The following KIAA0586 variants were observed in gnomAD, a reference collection of about 807,000 sequenced individuals.
KIAA0586 encodes the protein KIAA0586, also known as protein TALPID3.
Under a neutral mutation model 169.8 loss-of-function variants are expected in KIAA0586, and 144 were observed. The observed-to-expected ratio is 0.85, with a 90% CI of 0.74 to 0.97. The LOEUF is 0.97. Ranked by LOEUF, KIAA0586 falls within the 50% of genes least tolerant of loss-of-function variation. The pLI is 0.00. For missense variants in KIAA0586, 1,854 were observed against 1,823.0 expected, an observed-to-expected ratio of 1.02 and a Z score of -0.31; for synonymous variants, 625 against 612.4, an observed-to-expected ratio of 1.02 and a Z score of -0.30.
chr14:58,536,940 TC>T, intron 29 of KIAA0586: 1 of 944,606 alleles, frequency 1.1e-6, no homozygotes, highest in Non-Finnish European at 1.4e-6. Context: ...ACTTTATAGA[TC>T]AAATAATTCC....
At position 58,470,632 on chromosome 14, in the gene KIAA0586, T is replaced by A; in HGVS notation, c.2462T>A (p.Ile821Asn). 4 of 1,601,892 alleles carry A rather than the reference T, an allele frequency of 2.5e-6. No homozygotes were observed. The South Asian group carries it at 4.4e-5, about 18-fold the overall frequency. Residue 821 changes from isoleucine to asparagine, a missense_variant, in exon 17 of 31, where the codon ATT becomes AAT. Ile to Asn is a moderately radical substitution (Grantham distance 149, BLOSUM62 -3). Coordinates refer to ENST00000652326, the MANE Select transcript of KIAA0586 (RefSeq NM_001329943.3). ...TTTTAGGTATTACCCAGTGTAGATA[T>A]TGACAGCATTTCAAATAGTAGTGCT... ...LTVQVLPSVDIDSISNSSADV... is the reference protein window; with the variant it reads ...LTVQVLPSVDNDSISNSSADV...
intron 21 of KIAA0586, among the ~76,000 whole-genome samples, chr14:58,485,281 C>A (rs186135932): frequency 6.6e-6 from 1 of 151,716 alleles, no homozygotes; most frequent in East Asian, 1.9e-4. Context: ...AGAAGAAATA[C>A]AGATCACCCA....
rs1268609420 is a variant in KIAA0586, at chr14:58,442,783, C to T, written c.488C>T (p.Thr163Ile). ...EDAGIEKDAVTQETRISPSGI... is the reference protein window; with the variant it reads ...EDAGIEKDAVIQETRISPSGI... ...GCAGGCATAGAGAAGGATGCTGTTA[C>T]TCAGGAGACTAGAATTTCACCCAGT... The change falls in exon 5 of 31, where the codon ACT (threonine) becomes ATT (isoleucine). Residue 163 changes from threonine to isoleucine, a missense_variant. Coordinates refer to ENST00000652326, the MANE Select transcript of KIAA0586 (RefSeq NM_001329943.3). 1.2e-6 allele frequency: 2 copies of T among 1,602,946 alleles called. No homozygotes were observed. Among genetic ancestry groups the T allele is most frequent in the Non-Finnish European group, 1.7e-6 (2 of 1,174,086 alleles).
intron 28 of KIAA0586, among the ~76,000 whole-genome samples, chr14:58,512,036 A>C (rs2044425009): frequency 6.6e-6 from 1 of 152,178 alleles, no homozygotes; most frequent in Non-Finnish European, 1.5e-5. Context: ...TGAATAGCAA[A>C]TGGAAGATAA....
chr14:58,427,625 T>C, upstream of KIAA0586: 1 of 1,535,520 alleles, frequency 6.5e-7, no homozygotes, highest in East Asian at 2.4e-5. Flanking sequence ...AGCTTTCTGG[T>C]TGGATGTTTT....
At position 58,547,834 on chromosome 14, in the gene KIAA0586, G is replaced by A; in HGVS notation, c.4549G>A (p.Val1517Met). The change falls in exon 31 of 31, where the codon GTG (valine) becomes ATG (methionine). Residue 1517 changes from valine (V) to methionine (M), a missense_variant. Coordinates refer to ENST00000652326, the MANE Select transcript of KIAA0586 (RefSeq NM_001329943.3). Reference protein sequence around the residue: ...ASQMPPAKMSVMLPSVNLEDC... With the variant: ...ASQMPPAKMSMMLPSVNLEDC... ...ACAGATGCCCCCTGCCAAGATGTCA[G>A]TGATGCTGCCGTCAGTGAACCTCGA... 1.2e-6 allele frequency: 2 copies of A among 1,613,766 alleles called. No individual in the cohort carries two copies. The highest frequency in any genetic ancestry group is 1.7e-6 in the Non-Finnish European group (2 of 1,179,730).
rs1356944030 is a variant in KIAA0586 at position 58,549,619 on chromosome 14, C to T, written c.*1687C>T. The T allele has an allele frequency of 6.6e-6, 1 of 152,158 alleles. No individual in the cohort carries two copies. Among genetic ancestry groups the T allele is most frequent in the Non-Finnish European group, 1.5e-5 (1 of 68,036 alleles). 9.4% of individuals were successfully genotyped at this position (152,158 alleles called of 1,614,324 possible). ...CTTTGATATGGCCCTTTGGACAGTT[C>T]TGCTTATAACAGTTTCCTTTAAACA... On this transcript the variant is annotated 3_prime_UTR_variant, in exon 31 of 31. Transcript: ENST00000652326.
Position 58,450,645 on chromosome 14 carries a change from C to G in KIAA0586, c.1028C>G (p.Pro343Arg). 1 of 1,610,830 alleles carries G rather than the reference C, an allele frequency of 6.2e-7. No homozygotes were observed. The highest frequency in any genetic ancestry group is 8.5e-7 in the Non-Finnish European group (1 of 1,177,140). The change falls in exon 8 of 31, where the codon CCT (proline) becomes CGT (arginine). Residue 343 changes from proline (P) to arginine (R), a missense_variant. Physicochemically the swap from Pro to Arg is moderately radical, Grantham distance 103. Coordinates refer to ENST00000652326, the MANE Select transcript of KIAA0586 (RefSeq NM_001329943.3). ...KQKSPLETPA[P>R]RRFAPVPVSR... ...AAATCTCCTTTGGAGACACCAGCAC[C>G]TCGCAGATTTGCTCCTGTACCTGTT...
chr14:58,442,639 T>G, intron 4 of KIAA0586, 67 bp from the exon 5 acceptor site: 1 of 1,160,636 alleles, frequency 8.6e-7, no homozygotes, highest in Non-Finnish European at 1.2e-6. Flanking sequence ...TTACCATTTG[T>G]TAAGTATTTC....
intron 30 of KIAA0586, 72 bp from the exon 31 acceptor site, chr14:58,547,709 T>G: frequency 3.2e-6 from 3 of 943,256 alleles, no homozygotes; most frequent in Non-Finnish European, 3.1e-6. Flanking sequence ...CCTCATATTA[T>G]TTCGCAAAGC....
chr14:58,470,522 C>A, intron 16 of KIAA0586, 91 bp from the exon 17 acceptor site: 1 of 630,960 alleles, frequency 1.6e-6, no homozygotes, highest in Non-Finnish European at 2.7e-6. Context: ...TATGTGTATA[C>A]ACACACACAT....
chr14:58,457,999 C>T lies in KIAA0586; in HGVS notation c.1583+20C>T. The T allele has an allele frequency of 6.7e-7, 1 of 1,496,638 alleles. No individual in the cohort carries two copies. 92.7% of individuals were successfully genotyped at this position (1,496,638 alleles called of 1,614,324 possible). ...CAACAGGTAAGAGGATGTTGGCATC[C>T]AGGGTTATTTATGAGTCTGTCAGTT... On this transcript the variant is annotated intron_variant, in intron 11 of 30. Transcript: ENST00000652326.
chr14:58,445,213 T>C (rs956213704), intron 6 of KIAA0586, among the ~76,000 whole-genome samples: 3 of 152,014 alleles, frequency 2.0e-5, no homozygotes, highest in South Asian at 2.1e-4. Context: ...GATTCTGAGG[T>C]AGTGCCTGGC....
intron 30 of KIAA0586, among the ~76,000 whole-genome samples, chr14:58,542,616 G>T (rs992168756): frequency 3.9e-5 from 6 of 152,076 alleles, no homozygotes; most frequent in Non-Finnish European, 8.8e-5. Context: ...CTTCCAGAGT[G>T]TACTCTCTCT....
At chr14:58,453,326 G>T (rs1270392545) in intron 8 of KIAA0586, 24 bp from the exon 9 acceptor site, 1 of 1,150,468 alleles carries the variant, frequency 8.7e-7, no homozygotes, top group Non-Finnish European at 1.2e-6. Context: ...TTTGGAAAAT[G>T]ATACTATATC....
rs568910724 is a variant in KIAA0586, at chr14:58,457,939, G to A, written c.1543G>A (p.Ala515Thr). Reference protein sequence around the residue: ...LEAIIRAKDGAAMYSLINALS... With the variant: ...LEAIIRAKDGTAMYSLINALS... ...AGCTATTATTCGTGCAAAAGATGGAGCTGCCATGTATTCGCTTATCAATGC... is the reference window on the plus strand; with the variant it reads ...AGCTATTATTCGTGCAAAAGATGGAACTGCCATGTATTCGCTTATCAATGC... Residue 515 changes from alanine to threonine, a missense_variant, in exon 11 of 31, where the codon GCT (alanine) becomes ACT (threonine). Physicochemically the swap from Ala to Thr is moderately conservative, Grantham distance 58. Coordinates refer to ENST00000652326, the MANE Select transcript of KIAA0586 (RefSeq NM_001329943.3). 6.1e-4 allele frequency: 976 copies of A among 1,602,212 alleles called. 14 individuals are homozygous for A. In the South Asian group the frequency reaches 0.01, roughly 17 times the overall value.
chr14:58,455,244 TTTCC>T (rs1555381619), intron 9 of KIAA0586, among the ~76,000 whole-genome samples: 1 of 324 alleles, frequency 3.1e-3, no homozygotes, highest in African/African-American at 3.8e-3. Flanking sequence ...ATTCTTATAC[TTTCC>T]TTTAATTTTA....
chr14:58,503,451 A>G (rs2043717305), intron 27 of KIAA0586, among the ~76,000 whole-genome samples: 1 of 152,216 alleles, frequency 6.6e-6, no homozygotes, highest in Non-Finnish European at 1.5e-5. Context: ...TGATAAGAAT[A>G]TTCCAGTTTG....
intron 1 of KIAA0586, 126 bp downstream of exon 1, chr14:58,428,589 T>C (rs1425121391): frequency 8.7e-6 from 6 of 688,068 alleles, no homozygotes; most frequent in Admixed American, 3.4e-5. Flanking sequence ...TGACCCTGTT[T>C]CCCGGGAAAA....
Sources: gnomAD v4.1 joint callset for allele counts (sites outside exome capture counted in the v4.1 genomes callset) on GRCh38, gnomAD v4.1.1 for gene constraint, MANE v1.5 for transcripts, NCBI Gene and HGNC (gene_info 2026-07-23, HGNC 2026-07-21) for gene names.